Variants in DLGAP1 observed in about 807,000 individuals in gnomAD.
DLGAP1 encodes the protein DLG associated protein 1.
DLGAP1 carries 11 observed loss-of-function variants against 90.8 expected under a neutral mutation model. The observed-to-expected ratio is 0.12, with a 90% confidence interval of 0.08 to 0.20. The LOEUF (loss-of-function observed/expected upper bound fraction) is 0.20. DLGAP1 is among the 10% of genes least tolerant of loss of function. The pLI, the probability that DLGAP1 is intolerant of heterozygous loss-of-function variation, is 1.00. For synonymous variants in DLGAP1, 558 were observed against 540.7 expected, an observed-to-expected ratio of 1.03 and a Z score of -0.44; for missense variants, 1,050 against 1,333.8, an observed-to-expected ratio of 0.79 and a Z score of 3.31.
At chr18:3,799,761 TCAAAA>T (rs1286695177) in intron 5 of DLGAP1, among the ~76,000 whole-genome samples, 2 of 152,148 alleles carry the variant, frequency 1.3e-5, no homozygotes, top group African/African-American at 2.4e-5. Flanking sequence ...TTTACCTAAT[TCAAAA>T]CAAAACAAAA....
At chr18:3,748,574 C>T (rs1288650555) in intron 5 of DLGAP1, among the ~76,000 whole-genome samples, 2 of 152,314 alleles carry the variant, frequency 1.3e-5, no homozygotes, top group East Asian at 3.9e-4. Flanking sequence ...GAATGTAAGG[C>T]TCTTCCATGG....
intron 1 of DLGAP1, among the ~76,000 whole-genome samples, chr18:4,336,292 T>C (rs961541734): frequency 2.3e-4 from 35 of 152,204 alleles, no homozygotes; most frequent in Non-Finnish European, 8.8e-5. Context: ...AGAAATCTAA[T>C]GTGGTCCATA....
intron 3 of DLGAP1, among the ~76,000 whole-genome samples, chr18:3,973,802 G>T (rs2149010706): frequency 6.6e-6 from 1 of 152,350 alleles, no homozygotes; most frequent in South Asian, 2.1e-4. Context: ...CACAGGAGAA[G>T]ATAATACTGT....
intron 5 of DLGAP1, among the ~76,000 whole-genome samples, chr18:3,759,138 G>C (rs770155711): frequency 3.9e-5 from 6 of 152,020 alleles, no homozygotes; most frequent in Non-Finnish European, 8.8e-5. Context: ...AAGAGCTGTA[G>C]ACTTTGGTAT....
intron 9 of DLGAP1, among the ~76,000 whole-genome samples, chr18:3,549,139 A>C (rs1298422452): frequency 1.3e-5 from 2 of 152,208 alleles, no homozygotes; most frequent in East Asian, 3.8e-4. Flanking sequence ...TGGTTCTAAA[A>C]GGCTGGTTAT....
chr18:4,400,750 A>C (rs1181950630), intron 1 of DLGAP1, among the ~76,000 whole-genome samples: 2 of 152,110 alleles, frequency 1.3e-5, no homozygotes, highest in Non-Finnish European at 2.9e-5. Flanking sequence ...CTAACTCAAC[A>C]GGCAAGAATA....
intron 7 of DLGAP1, among the ~76,000 whole-genome samples, chr18:3,696,251 G>C (rs1263307267): frequency 1.3e-5 from 2 of 152,212 alleles, no homozygotes; most frequent in African/African-American, 4.8e-5. Context: ...GGAGTGGTGA[G>C]AGAGGGCATC....
intron 1 of DLGAP1, among the ~76,000 whole-genome samples, chr18:4,169,587 C>T (rs541128450): frequency 1.3e-4 from 20 of 152,270 alleles, no homozygotes; most frequent in African/African-American, 4.3e-4. Flanking sequence ...CTCAATGCTC[C>T]GATCTCAACC....
chr18:3,502,867 T>C (rs1375439792), intron 11 of DLGAP1, among the ~76,000 whole-genome samples: 1 of 152,208 alleles, frequency 6.6e-6, no homozygotes, highest in Non-Finnish European at 1.5e-5. Flanking sequence ...TCTGTTGTGA[T>C]ACCACATCTA....
chr18:3,639,742 C>T (rs912541747), intron 7 of DLGAP1, among the ~76,000 whole-genome samples: 5 of 148,278 alleles, frequency 3.4e-5, no homozygotes, highest in Non-Finnish European at 5.9e-5. Context: ...TCTCCTGCTA[C>T]CTGCAGAGTT....
chr18:4,448,217 C>CA, intron 1 of DLGAP1, among the ~76,000 whole-genome samples: 1 of 152,264 alleles, frequency 6.6e-6, no homozygotes, highest in South Asian at 2.1e-4. Context: ...CAGAAAAGCC[C>CA]AAAATAAGTA....
chr18:3,572,629 T>C (rs1000055835), intron 8 of DLGAP1, among the ~76,000 whole-genome samples: 1 of 152,202 alleles, frequency 6.6e-6, no homozygotes, highest in Non-Finnish European at 1.5e-5. Flanking sequence ...TTTGTATTTT[T>C]AGTAGAGACG....
intron 1 of DLGAP1, among the ~76,000 whole-genome samples, chr18:4,416,454 T>C (rs1006529106): frequency 7.9e-5 from 12 of 152,182 alleles, no homozygotes; most frequent in Non-Finnish European, 1.5e-5. Context: ...TCAACCATTT[T>C]CTAGTTCAAG....
chr18:3,749,315 A>T (rs1434222825), intron 5 of DLGAP1, among the ~76,000 whole-genome samples: 2 of 151,246 alleles, frequency 1.3e-5, no homozygotes, highest in Admixed American at 1.3e-4. Flanking sequence ...CACCCAGCTA[A>T]TTTTTTTTGT....
intron 2 of DLGAP1, among the ~76,000 whole-genome samples, chr18:4,081,376 G>A (rs975189633): frequency 1.3e-5 from 2 of 151,724 alleles, no homozygotes; most frequent in Non-Finnish European, 2.9e-5. Context: ...ACCTTCAGAG[G>A]GGCCAAGTGA....
intron 7 of DLGAP1, among the ~76,000 whole-genome samples, chr18:3,582,706 A>C (rs890143792): frequency 5.3e-5 from 8 of 152,134 alleles, no homozygotes; most frequent in Non-Finnish European, 1.2e-4. Flanking sequence ...GAAAAAAGGA[A>C]GGCAAAGAGG....
rs140426852 is a variant in DLGAP1, at chr18:3,602,340, C to A, written c.1592-20092G>T. On this transcript the variant is annotated intron_variant, in intron 7 of 12. Coordinates refer to ENST00000315677, the MANE Select transcript of DLGAP1 (RefSeq NM_004746.4). ...GCCGGGCGCGGTGGCTCACGCCTGT[C>A]ATCCCAGCAATTTGGGAGGCCGAGG... is the stretch of plus-strand genomic sequence containing the variant. 1.1e-4 allele frequency among the ~76,000 whole-genome samples: 17 copies of A among 152,080 alleles called. 1 individual carries two copies. In the East Asian group the frequency reaches 2.7e-3, roughly 24 times the overall value.
At chr18:4,132,807 G>A (rs2076336909) in intron 2 of DLGAP1, among the ~76,000 whole-genome samples, 1 of 152,170 alleles carries the variant, frequency 6.6e-6, no homozygotes, top group Admixed American at 6.5e-5. Context: ...TGCCATACAT[G>A]TTGCTGGGTA....
chr18:3,514,792 A>T (rs2050734499), intron 10 of DLGAP1, among the ~76,000 whole-genome samples: 1 of 152,212 alleles, frequency 6.6e-6, no homozygotes, highest in Non-Finnish European at 1.5e-5. Context: ...GCAAGTCATA[A>T]TCTTCTTGCG....
Sources: allele counts gnomAD v4.1 joint callset (sites outside exome capture counted in the v4.1 genomes callset), GRCh38; gene constraint gnomAD v4.1.1; transcripts MANE v1.5; gene names NCBI Gene and HGNC (gene_info 2026-07-23, HGNC 2026-07-21).